Variants in GNA11 observed in about 807,000 individuals in gnomAD.
The protein encoded by GNA11 is G protein subunit alpha 11.
GNA11 carries 8 observed loss-of-function variants against 38.2 expected under a neutral mutation model. The observed-to-expected ratio is 0.21, with a 90% CI of 0.12 to 0.38. The LOEUF is 0.38. Ranked by LOEUF, GNA11 falls within the 10% of genes least tolerant of loss-of-function variation. The pLI is 1.00. For missense variants in GNA11, 268 were observed against 516.3 expected (o/e 0.52, Z 4.66); for synonymous variants, 211 against 221.4 (o/e 0.95, Z 0.42).
chr19:3,104,210 C>G (rs918267615), intron 1 of GNA11, among the ~76,000 whole-genome samples: 1 of 152,382 alleles, frequency 6.6e-6, no homozygotes, highest in Admixed American at 6.5e-5. Flanking sequence ...TTCCGTTTTC[C>G]TTTCCCACCG....
intron 1 of GNA11, among the ~76,000 whole-genome samples, chr19:3,101,434 T>C (rs1284170414): frequency 3.3e-5 from 5 of 152,146 alleles, no homozygotes; most frequent in African/African-American, 1.2e-4. Context: ...GGGTCCACGC[T>C]GTGGGATGAA....
intron 1 of GNA11, among the ~76,000 whole-genome samples, chr19:3,109,820 C>A (rs957082023): frequency 2.0e-5 from 3 of 152,186 alleles, no homozygotes; most frequent in Admixed American, 6.5e-5. Context: ...GCTGCGGGGC[C>A]GGTGCCGTGC....
At chr19:3,104,816 G>A (rs1185768015) in intron 1 of GNA11, among the ~76,000 whole-genome samples, 1 of 152,250 alleles carries the variant, frequency 6.6e-6, no homozygotes, top group East Asian at 1.9e-4. Context: ...CACCCTCAAA[G>A]GGCCTGTGCT....
intron 2 of GNA11, among the ~76,000 whole-genome samples, chr19:3,111,769 G>A (rs940903862): frequency 6.6e-6 from 1 of 152,224 alleles, no homozygotes; most frequent in Non-Finnish European, 1.5e-5. Context: ...GCCGCCCTAT[G>A]GGGCAGGCCC....
chr19:3,114,808 C>G, intron 3 of GNA11, 136 bp from the exon 4 acceptor site: 1 of 794,212 alleles, frequency 1.3e-6, no homozygotes, highest in South Asian at 1.7e-5. Context: ...CTGCTTCAGA[C>G]ACTGCCGTAG....
intron 2 of GNA11, among the ~76,000 whole-genome samples, chr19:3,112,693 C>G (rs1205810872): frequency 1.3e-5 from 2 of 152,392 alleles, no homozygotes; most frequent in East Asian, 3.9e-4. Flanking sequence ...CGTGTTGGGG[C>G]ACCATGTAAA....
rs867925271 is a variant in GNA11, at chr19:3,110,028, C to T, written c.137-121C>T. On this transcript the variant is annotated intron_variant, in intron 1 of 6. Transcript: ENST00000078429. This position sits in a 1 kb window ranked among gnomAD's most constrained non-coding sequence, Gnocchi z 5.4. Reference sequence around the variant, plus strand: ...TGGCGTCTGGTGGAGAGACGGTCAGCCTCACGTGCCTTGGTTTCCTGTGCT... The same window carrying T: ...TGGCGTCTGGTGGAGAGACGGTCAGTCTCACGTGCCTTGGTTTCCTGTGCT... 1.9e-4 allele frequency: 134 copies of T among 708,770 alleles called. No homozygotes were observed. Among genetic ancestry groups the T allele is most frequent in the Middle Eastern group, 4.0e-4 (1 of 2,488 alleles). The allele number at this position is 708,770 out of a possible 1,614,324, so 43.9% of individuals were successfully genotyped here.
At chr19:3,104,382 C>G (rs1468838118) in intron 1 of GNA11, among the ~76,000 whole-genome samples, 2 of 152,168 alleles carry the variant, frequency 1.3e-5, no homozygotes, top group Non-Finnish European at 2.9e-5. Flanking sequence ...GCTGAGTGTA[C>G]CTGAGGATGT....
intron 1 of GNA11, among the ~76,000 whole-genome samples, chr19:3,096,972 A>G (rs954869560): frequency 1.3e-5 from 2 of 152,154 alleles, no homozygotes; most frequent in African/African-American, 4.8e-5. Context: ...CCGTCCAAGC[A>G]ACCTTGCATC....
In GNA11 at chr19:3,108,393, T is replaced by A. The variant is rs1358483127; in HGVS notation, c.137-1756T>A. ...AGGCTGTGAGAGGAAGTGAGCTGGG[T>A]CCCAGCACCAGGCAGCCTTTAGGCA... On this transcript the variant is annotated intron_variant, in intron 1 of 6. Coordinates refer to ENST00000078429, the MANE Select transcript of GNA11 (RefSeq NM_002067.5). The surrounding 1 kb of genome is among the most constrained non-coding windows in gnomAD (Gnocchi z 4.5). Among the ~76,000 whole-genome samples the A allele has an allele frequency of 6.6e-6, 1 of 152,060 alleles. No homozygotes were observed. The highest frequency in any genetic ancestry group is 2.4e-5 in the African/African-American group (1 of 41,378).
Position 3,108,895 on chromosome 19 carries a change from C to T in GNA11, c.137-1254C>T, listed in dbSNP as rs543401798. ...TCTAGTGGCTGTTGGTGGGAGGCCT[C>T]AGTTCCTCACCACGTGGGCCTCTCC... On this transcript the variant is annotated intron_variant, in intron 1 of 6. Coordinates refer to ENST00000078429, the MANE Select transcript of GNA11 (RefSeq NM_002067.5). The surrounding 1 kb of genome is among the most constrained non-coding windows in gnomAD (Gnocchi z 4.5). Among the ~76,000 whole-genome samples, 130 of 152,138 alleles carry T rather than the reference C, an allele frequency of 8.5e-4. No individual in the cohort carries two copies. The highest frequency in any genetic ancestry group is 1.2e-3 in the Non-Finnish European group (85 of 68,034).
At chr19:3,118,855 G>GC (rs1412928681) in intron 4 of GNA11, 69 bp from the exon 5 acceptor site, 1 of 1,479,964 alleles carries the variant, frequency 6.8e-7, no homozygotes, top group Non-Finnish European at 9.4e-7. Context: ...TTGGGTGGGA[G>GC]CCGTCCTGGG....
chr19:3,099,227 G>C (rs1913444688), intron 1 of GNA11, among the ~76,000 whole-genome samples: 1 of 126,430 alleles, frequency 7.9e-6, no homozygotes, highest in Admixed American at 7.8e-5. Flanking sequence ...GGCCTGCTCG[G>C]CCCTACCCTG....
Position 3,122,272 on chromosome 19 carries a change from G to A in GNA11, c.*1093G>A. On this transcript the variant is annotated 3_prime_UTR_variant, in exon 7 of 7. Transcript: ENST00000078429. This position sits in a 1 kb window ranked among gnomAD's most constrained non-coding sequence, Gnocchi z 7.7. Reference sequence around the variant, plus strand: ...AGAGGCAGAGAGAGGGACGTGGCCGGCAGCTCTGTGCGTGGCCTTGTCCCA... The same window carrying A: ...AGAGGCAGAGAGAGGGACGTGGCCGACAGCTCTGTGCGTGGCCTTGTCCCA... The A allele has an allele frequency of 4.3e-6, 1 of 232,780 alleles. No individual in the cohort carries two copies. The highest frequency in any genetic ancestry group is 8.5e-6 in the Non-Finnish European group (1 of 117,618). The allele number at this position is 232,780 out of a possible 1,614,324, so 14.4% of individuals were successfully genotyped here.
intron 4 of GNA11, 196 bp downstream of exon 4, chr19:3,115,268 G>A (rs902441750): frequency 1.8e-6 from 1 of 549,504 alleles, no homozygotes; most frequent in Non-Finnish European, 3.2e-6. Context: ...AGCTGGGCGT[G>A]GTTGTGTGCA....
chr19:3,122,885 A>G lies in GNA11; in HGVS notation c.*1706A>G. The stretch of plus-strand genomic sequence containing the variant: ...CCCCGTGGAAGGGTCAGGGGAGACC[A>G]GGTCAGGGCAGCTACATTTCTGGTG... On this transcript the variant is annotated 3_prime_UTR_variant, in exon 7 of 7. Transcript: ENST00000078429. The surrounding 1 kb of genome is among the most constrained non-coding windows in gnomAD (Gnocchi z 7.7). 1 of 233,366 alleles carries G rather than the reference A, an allele frequency of 4.3e-6. No individual in the cohort carries two copies. The allele number at this position is 233,366 out of a possible 1,614,324, so 14.5% of individuals were successfully genotyped here.
chr19:3,099,302 C>A (rs1913446337), intron 1 of GNA11, among the ~76,000 whole-genome samples: 1 of 152,176 alleles, frequency 6.6e-6, no homozygotes, highest in Admixed American at 6.5e-5. Flanking sequence ...CCACTGGGCA[C>A]CCCAGCTTGT....
intron 4 of GNA11, chr19:3,117,884 G>A (rs899832487): frequency 2.0e-5 from 3 of 152,348 alleles, no homozygotes; most frequent in African/African-American, 4.8e-5. Context: ...GTGGGGACAA[G>A]ACACGGGGGG....
rs1026750003 is a variant in GNA11, at chr19:3,110,381, C to T, written c.321+48C>T. 2 of 1,507,022 alleles carry T rather than the reference C, an allele frequency of 1.3e-6. No individual in the cohort carries two copies. The highest frequency in any genetic ancestry group is 1.8e-6 in the Non-Finnish European group (2 of 1,088,798). 93.4% of individuals were successfully genotyped at this position (1,507,022 alleles called of 1,614,324 possible). A position where few individuals can be genotyped will look rare whatever the true frequency, so the allele number is the denominator to read the frequency against. On this transcript the variant is annotated intron_variant, in intron 2 of 6. Transcript: ENST00000078429. This position sits in a 1 kb window ranked among gnomAD's most constrained non-coding sequence, Gnocchi z 5.4. ...AGGGGAGCGCCTGGGCAGCTGTGGG[C>T]TTGGTGGTGAGCATGGTGGCCGCGC...
Sources: allele counts gnomAD v4.1 joint callset (sites outside exome capture counted in the v4.1 genomes callset), GRCh38; gene constraint gnomAD v4.1.1; non-coding constraint Gnocchi (gnomAD v3.1); transcripts MANE v1.5; gene names NCBI Gene and HGNC (gene_info 2026-07-23, HGNC 2026-07-21).